Variants in KIAA1217 observed in about 807,000 individuals in gnomAD.
The protein encoded by KIAA1217 is KIAA1217.
A neutral mutation model predicts 163.9 loss-of-function variants in KIAA1217; 88 were observed. The observed-to-expected ratio is 0.54, with a 90% CI of 0.45 to 0.64. KIAA1217 has a LOEUF of 0.64. KIAA1217 is among the 30% of genes least tolerant of loss of function. KIAA1217 has a pLI of 0.00. For missense variants in KIAA1217, 2,372 were observed against 2,475.0 expected, an observed-to-expected ratio of 0.96 and a Z score of 0.88; for synonymous variants, 903 against 923.1, an observed-to-expected ratio of 0.98 and a Z score of 0.39.
chr10:23,737,147 C>G (rs904262258), intron 1 of KIAA1217, among the ~76,000 whole-genome samples: 14 of 152,100 alleles, frequency 9.2e-5, no homozygotes, highest in African/African-American at 2.7e-4. Flanking sequence ...ATATTTATTA[C>G]CAGATTTTAT....
rs145280865 is a variant in KIAA1217, at chr10:24,128,736, C to T, written c.-170-90890C>T. On this transcript the variant is annotated intron_variant, in intron 2 of 18. Transcript: ENST00000376462. Reference sequence around the variant, plus strand: ...CACAGTCTTCTACCACCCATTAAGACGAGCTGCAAGTTCATAGTTTATCAA... The same window carrying T: ...CACAGTCTTCTACCACCCATTAAGATGAGCTGCAAGTTCATAGTTTATCAA... 3.5e-4 allele frequency among the ~76,000 whole-genome samples: 54 copies of T among 152,298 alleles called. No homozygotes were observed. In the East Asian group the frequency reaches 5.2e-3, roughly 15 times the overall value.
intron 1 of KIAA1217, among the ~76,000 whole-genome samples, chr10:23,990,347 T>A (rs1490824610): frequency 1.3e-5 from 2 of 152,222 alleles, no homozygotes; most frequent in African/African-American, 4.8e-5. Flanking sequence ...TCTGCTTAAA[T>A]CTTTCCCTTT....
chr10:24,002,426 A>G (rs1846785894), intron 1 of KIAA1217, among the ~76,000 whole-genome samples: 1 of 152,098 alleles, frequency 6.6e-6, no homozygotes, highest in Non-Finnish European at 1.5e-5. Flanking sequence ...AGAACATTCC[A>G]GAGAACTTGC....
chr10:24,473,210 C>T lies in KIAA1217; in HGVS notation c.847-18C>T. The stretch of plus-strand genomic sequence containing the variant: ...CGAATATCAAAGTCAACTTTCTGAT[C>T]CCTTGTTTTCTTTTCAGATGCAGAG... On this transcript the variant is annotated intron_variant, in intron 5 of 20. Transcript: ENST00000376454. 1 of 1,486,334 alleles carries T rather than the reference C, an allele frequency of 6.7e-7. No homozygotes were observed. Among genetic ancestry groups the T allele is most frequent in the African/African-American group, 1.4e-5 (1 of 71,246 alleles). 92.1% of individuals were successfully genotyped at this position (1,486,334 alleles called of 1,614,324 possible). A position where few individuals can be genotyped will look rare whatever the true frequency, so the allele number is the denominator to read the frequency against.
intron 3 of KIAA1217, among the ~76,000 whole-genome samples, chr10:24,427,214 C>T (rs1313443849): frequency 6.6e-6 from 1 of 151,472 alleles, no homozygotes; most frequent in African/African-American, 2.4e-5. Context: ...TCCCACCCCA[C>T]ACCCCCATCC....
intron 2 of KIAA1217, among the ~76,000 whole-genome samples, chr10:24,229,839 G>A (rs548016028): frequency 6.6e-6 from 1 of 152,080 alleles, no homozygotes; most frequent in East Asian, 1.9e-4. Context: ...TAAACTTTTG[G>A]GAGGAAAGGA....
chr10:23,808,178 G>C (rs1836832587), intron 1 of KIAA1217, among the ~76,000 whole-genome samples: 2 of 152,286 alleles, frequency 1.3e-5, no homozygotes, highest in South Asian at 2.1e-4. Context: ...GAAATGAGTA[G>C]GCCTCTGGCA....
chr10:24,427,877 T>C (rs2059296838), intron 3 of KIAA1217, among the ~76,000 whole-genome samples: 1 of 152,222 alleles, frequency 6.6e-6, no homozygotes, highest in Non-Finnish European at 1.5e-5. Context: ...CATTTCTAAA[T>C]ACCTTTCCTG....
chr10:24,489,969 A>AC (rs1433898369), intron 6 of KIAA1217, among the ~76,000 whole-genome samples: 1 of 152,112 alleles, frequency 6.6e-6, no homozygotes, highest in African/African-American at 2.4e-5. Flanking sequence ...CAAAGGCAGA[A>AC]CAGACCACCA....
At chr10:24,521,967 AG>A in intron 12 of KIAA1217, 38 bp downstream of exon 12, 1 of 1,587,086 alleles carries the variant, frequency 6.3e-7, no homozygotes, top group African/African-American at 1.3e-5. Context: ...TGGCCTGCGG[AG>A]GGGTGCACTG....
chr10:24,459,007 C>T (rs759224889), intron 5 of KIAA1217, among the ~76,000 whole-genome samples: 6 of 152,114 alleles, frequency 3.9e-5, no homozygotes, highest in Admixed American at 6.5e-5. Context: ...ACAGATTCCT[C>T]GGCACCACCC....
chr10:24,224,261 G>A (rs2070129616), intron 2 of KIAA1217, among the ~76,000 whole-genome samples: 1 of 152,168 alleles, frequency 6.6e-6, no homozygotes, highest in South Asian at 2.1e-4. Context: ...GGATGCAGGT[G>A]GGACTCATCA....
intron 1 of KIAA1217, among the ~76,000 whole-genome samples, chr10:23,960,154 A>T (rs1046736128): frequency 6.6e-6 from 1 of 151,844 alleles, no homozygotes; most frequent in Non-Finnish European, 1.5e-5. Context: ...TGACCTCATG[A>T]TCTGCCCACC....
chr10:23,810,368 A>T (rs909721099), intron 1 of KIAA1217, among the ~76,000 whole-genome samples: 15 of 146,154 alleles, frequency 1.0e-4, no homozygotes, highest in African/African-American at 3.7e-4. Context: ...TATATAGTAT[A>T]TATTCTAGTC....
chr10:23,764,950 T>C (rs1029616117), intron 1 of KIAA1217, among the ~76,000 whole-genome samples: 2 of 152,166 alleles, frequency 1.3e-5, no homozygotes, highest in Non-Finnish European at 2.9e-5. Flanking sequence ...TGTTGTTTCA[T>C]GTTGCTATAA....
chr10:23,986,104 C>T lies in KIAA1217; in HGVS notation c.-320-21121C>T, dbSNP rs958485552. Among the ~76,000 whole-genome samples, 7 of 152,278 alleles carry T rather than the reference C, an allele frequency of 4.6e-5. No individual in the cohort carries two copies. In the Middle Eastern group the frequency reaches 0.017, roughly 370 times the overall value. On this transcript the variant is annotated intron_variant, in intron 1 of 18. Transcript: ENST00000376462. ...TAAAGTTGATATCCCAGGATCATTC[C>T]ATGGTTTTGAATATTCCACACTCTA... is the stretch of plus-strand genomic sequence containing the variant.
chr10:23,946,619 C>G (rs1410434316), intron 1 of KIAA1217, among the ~76,000 whole-genome samples: 1 of 152,094 alleles, frequency 6.6e-6, no homozygotes, highest in Non-Finnish European at 1.5e-5. Flanking sequence ...TTGTTTTCAT[C>G]ATTTAAAATA....
intron 1 of KIAA1217, among the ~76,000 whole-genome samples, chr10:23,864,102 A>T (rs1189245710): frequency 6.9e-6 from 1 of 144,814 alleles, no homozygotes; most frequent in Non-Finnish European, 1.5e-5. Context: ...TATTATTATT[A>T]TTCCTACTTT....
At chr10:24,228,156 G>C (rs1022140433) in intron 2 of KIAA1217, among the ~76,000 whole-genome samples, 1 of 151,964 alleles carries the variant, frequency 6.6e-6, no homozygotes, top group Non-Finnish European at 1.5e-5. Context: ...GTGCCAGTTG[G>C]GGGGCTGAGG....
Sources: allele counts gnomAD v4.1 joint callset (sites outside exome capture counted in the v4.1 genomes callset), GRCh38; gene constraint gnomAD v4.1.1; transcripts MANE v1.5; gene names NCBI Gene and HGNC (gene_info 2026-07-23, HGNC 2026-07-21).